CSF1R: variants seen among roughly 807,000 people sequenced by gnomAD.
CSF1R encodes colony stimulating factor 1 receptor.
CSF1R carries 40 observed loss-of-function variants against 110.0 expected under a neutral mutation model. That is an observed-to-expected ratio of 0.36 (90% CI 0.28 to 0.47). The LOEUF (loss-of-function observed/expected upper bound fraction) is 0.47, where lower values mean the gene tolerates loss of function less well. Ranked by LOEUF, CSF1R falls within the 20% of genes least tolerant of loss-of-function variation. The probability of loss-of-function intolerance (pLI) is 0.99; values close to 1 mark genes in which losing one functional copy is unlikely to be tolerated. For synonymous variants in CSF1R, 523 were observed against 503.4 expected, an observed-to-expected ratio of 1.04 and a Z score of -0.52; for missense variants, 1,052 against 1,253.0, an observed-to-expected ratio of 0.84 and a Z score of 2.42.
chr5:150,057,364 G>A lies in CSF1R; in HGVS notation c.2242C>T (p.Arg748Trp), dbSNP rs781385572. 1.8e-5 allele frequency: 29 copies of A among 1,613,906 alleles called. No individual in the cohort carries two copies. In the East Asian group the frequency reaches 3.8e-4, roughly 21 times the overall value. The change falls in exon 16 of 21, where the codon CGG becomes TGG. Residue 748 changes from arginine (R) to tryptophan (W), a missense_variant. Physicochemically the swap from Arg to Trp is moderately radical, Grantham distance 101. Transcript: ENST00000675795. The stretch of plus-strand genomic sequence containing the variant: ...AGCAGGTCCCGGAGCTCCAGGGGCC[G>A]TCCATCCTCCTTGTCCAGGTCTAGG... ...SEQDLDKEDG[R>W]PLELRDLLHF...
chr5:150,086,331 T>A, intron 1 of CSF1R, 48 bp downstream of exon 1: 1 of 1,552,588 alleles, frequency 6.4e-7, no homozygotes, highest in Non-Finnish European at 8.8e-7. Flanking sequence ...ACAGGGGTCT[T>A]CTCCATCACA....
chr5:150,112,187 C>T (rs928737593), intron 1 of CSF1R, among the ~76,000 whole-genome samples: 7 of 152,134 alleles, frequency 4.6e-5, no homozygotes, highest in Non-Finnish European at 8.8e-5. Context: ...TGTTTCCTGA[C>T]GACTACCCTC....
rs143128428 is a variant in CSF1R at position 150,071,725 on chromosome 5, C to G, written c.1083-1154G>C. Among the ~76,000 whole-genome samples, 190 of 152,288 alleles carry G rather than the reference C, an allele frequency of 1.2e-3. 1 individual carries two copies. The highest frequency in any genetic ancestry group is 4.4e-3 in the African/African-American group (184 of 41,548). ...TCTCGTGTTCCTTTCCTCAATGTCTCTGTGGCTTATGGACCCATTAAACCG... is the reference window on the plus strand; with the variant it reads ...TCTCGTGTTCCTTTCCTCAATGTCTGTGTGGCTTATGGACCCATTAAACCG... On this transcript the variant is annotated intron_variant, in intron 6 of 20. Coordinates refer to ENST00000675795, the MANE Select transcript of CSF1R (RefSeq NM_001288705.3).
At chr5:150,107,897 T>C (rs372544473) in intron 1 of CSF1R, among the ~76,000 whole-genome samples, 1 of 152,180 alleles carries the variant, frequency 6.6e-6, no homozygotes, top group Non-Finnish European at 1.5e-5. Flanking sequence ...CCTGGGGACA[T>C]GGTGGTGAAC....
At chr5:150,088,462 T>C (rs1330356855), upstream of CSF1R, among the ~76,000 whole-genome samples, 1 of 151,778 alleles carries the variant, frequency 6.6e-6, no homozygotes, top group Non-Finnish European at 1.5e-5. Flanking sequence ...TACAGACCAA[T>C]ACAAATGCAT....
At chr5:150,072,820 A>G (rs987363646) in intron 6 of CSF1R, among the ~76,000 whole-genome samples, 1 of 152,220 alleles carries the variant, frequency 6.6e-6, no homozygotes, top group African/African-American at 2.4e-5. Flanking sequence ...GGGCTGGGTG[A>G]TCACAATCCT....
chr5:150,080,442 G>A (rs1267856847), intron 2 of CSF1R, 106 bp from the exon 3 acceptor site: 3 of 1,412,842 alleles, frequency 2.1e-6, no homozygotes, highest in Admixed American at 4.2e-5. Context: ...TCATTCATCT[G>A]AGGTCACACC....
chr5:150,108,111 G>T (rs1305879799), intron 1 of CSF1R, among the ~76,000 whole-genome samples: 1 of 152,200 alleles, frequency 6.6e-6, no homozygotes, highest in Non-Finnish European at 1.5e-5. Flanking sequence ...TTCCAAGAAG[G>T]AGAAACAGCA....
At chr5:150,109,642 C>T (rs931397325) in intron 1 of CSF1R, among the ~76,000 whole-genome samples, 5 of 152,098 alleles carry the variant, frequency 3.3e-5, no homozygotes, top group Non-Finnish European at 5.9e-5. Context: ...AATTAAATAA[C>T]GTTGTTTCTG....
At chr5:150,079,992 G>T (rs979216443) in intron 3 of CSF1R, 60 bp downstream of exon 3, 35 of 1,568,928 alleles carry the variant, frequency 2.2e-5, no homozygotes, top group Non-Finnish European at 2.9e-5. Flanking sequence ...CACCCATGTG[G>T]CCGCCGGCTC....
chr5:150,091,852 C>CAA lies in CSF1R; in HGVS notation c.-180-5247_-180-5246dup, dbSNP rs57967086. On this transcript the variant is annotated intron_variant, in intron 1 of 21. Transcript: ENST00000286301. The stretch of plus-strand genomic sequence containing the variant: ...TTCATTGCCAGCAGACCCATACTAC[C>CAA]AAAAAAAAAAAAAAAAAAAAAAAAA... Among the ~76,000 whole-genome samples the CAA allele has an allele frequency of 2.0e-3, 140 of 71,222 alleles. 2 individuals are homozygous for CAA. Among genetic ancestry groups the CAA allele is most frequent in the African/African-American group, 5.4e-3 (91 of 16,958 alleles). The allele number at this position is 71,222 out of a possible 152,430, so 46.7% of individuals were successfully genotyped here.
In CSF1R at chr5:150,059,852, C is replaced by T; in HGVS notation, c.1980G>A (p.Leu660=). ...LGACTHGGPV[L]VITEYCCYGD... ...CATAGCAACAGTACTCCGTGATGACCAGTACAGGGCCTAGAGCAGCCAAGG... is the reference window on the plus strand; with the variant it reads ...CATAGCAACAGTACTCCGTGATGACTAGTACAGGGCCTAGAGCAGCCAAGG... Residue 660 remains leucine, a synonymous_variant, in exon 14 of 21, where the codon CTG becomes CTA. Transcript: ENST00000675795. The T allele has an allele frequency of 6.2e-7, 1 of 1,612,504 alleles. No individual in the cohort carries two copies. Among genetic ancestry groups the T allele is most frequent in the Non-Finnish European group, 8.5e-7 (1 of 1,178,850 alleles).
intron 1 of CSF1R, chr5:150,094,194 A>G (rs148964843): frequency 4.7e-6 from 3 of 639,562 alleles, no homozygotes; most frequent in Non-Finnish European, 7.8e-6. Context: ...AGGCATAATG[A>G]GGGACATTAC....
intron 1 of CSF1R, among the ~76,000 whole-genome samples, chr5:150,100,627 G>C (rs1180151012): frequency 6.6e-6 from 1 of 152,138 alleles, no homozygotes; most frequent in East Asian, 1.9e-4. Flanking sequence ...CTGCTGGTAA[G>C]GGTATAAATT....
chr5:150,063,233 G>A (rs919133049), intron 10 of CSF1R, among the ~76,000 whole-genome samples: 1 of 152,124 alleles, frequency 6.6e-6, no homozygotes, highest in African/African-American at 2.4e-5. Flanking sequence ...TCTTGAACTC[G>A]TGAGCTCAAG....
At chr5:150,070,731 T>C (rs1338843208) in intron 6 of CSF1R, among the ~76,000 whole-genome samples, 160 bp from the exon 7 acceptor site, 1 of 152,216 alleles carries the variant, frequency 6.6e-6, no homozygotes, top group Non-Finnish European at 1.5e-5. Context: ...CAGGGTGCCA[T>C]TGAGACATGC....
At position 150,094,211 on chromosome 5, in the gene CSF1R, A is replaced by C. The variant is rs1260976961; in HGVS notation, c.-180-7604T>G. On this transcript the variant is annotated intron_variant, in intron 1 of 21. Transcript: ENST00000286301. Reference sequence around the variant, plus strand: ...GCATAATGAGGGACATTACATAGTGAAGACAGAATCAATTTTACAAGAAGA... The same window carrying C: ...GCATAATGAGGGACATTACATAGTGCAGACAGAATCAATTTTACAAGAAGA... The C allele has an allele frequency of 6.6e-6, 5 of 754,978 alleles. No homozygotes were observed. In the East Asian group the frequency reaches 1.1e-4, roughly 16 times the overall value. 46.8% of individuals were successfully genotyped at this position (754,978 alleles called of 1,614,324 possible).
At chr5:150,059,253 A>G (rs1337897607) in intron 14 of CSF1R, among the ~76,000 whole-genome samples, 1 of 152,100 alleles carries the variant, frequency 6.6e-6, no homozygotes. Context: ...CTTGTTGGTA[A>G]GGCTGGTCTC....
At chr5:150,073,972 G>C (rs1758143763) in intron 5 of CSF1R, among the ~76,000 whole-genome samples, 1 of 152,162 alleles carries the variant, frequency 6.6e-6, no homozygotes, top group African/African-American at 2.4e-5. Flanking sequence ...CTCTGGCCCG[G>C]TGATTGGTTT....
Sources: gnomAD v4.1 joint callset for allele counts (sites outside exome capture counted in the v4.1 genomes callset) on GRCh38, gnomAD v4.1.1 for gene constraint, MANE v1.5 for transcripts, NCBI Gene and HGNC (gene_info 2026-07-23, HGNC 2026-07-21) for gene names.